The following MROH9 variants were observed in gnomAD, a reference collection of about 807,000 sequenced individuals.
The protein encoded by MROH9 is maestro heat like repeat family member 9, also known as maestro heat-like repeat-containing protein family member 9.
Under a neutral mutation model 98.2 loss-of-function variants are expected in MROH9, and 92 were observed. That is an observed-to-expected ratio of 0.94 (90% CI 0.79 to 1.11). The LOEUF (loss-of-function observed/expected upper bound fraction) is 1.11, where lower values mean the gene tolerates loss of function less well. Among genes scored for constraint, MROH9 ranks in the 50% most tolerant of loss-of-function variants. The probability of loss-of-function intolerance (pLI) is 0.00; values close to 1 mark genes in which losing one functional copy is unlikely to be tolerated. For synonymous variants in MROH9, 397 were observed against 368.9 expected (o/e 1.08, Z -0.87); for missense variants, 1,057 against 1,014.8 (o/e 1.04, Z -0.57).
At chr1:170,990,133 A>AT in intron 11 of MROH9, 130 bp downstream of exon 11, 1 of 929,232 alleles carries the variant, frequency 1.1e-6, no homozygotes, top group African/African-American at 1.7e-5. Context: ...GAGAAAATCT[A>AT]TTTTTGCACC....
intron 4 of MROH9, 38 bp from the exon 5 acceptor site, chr1:170,959,424 T>C: frequency 1.3e-6 from 2 of 1,537,586 alleles, no homozygotes; most frequent in Non-Finnish European, 1.8e-6. Flanking sequence ...ATTATATTTG[T>C]TTTCTCATCA....
chr1:171,057,926 T>C (rs1429571701), intron 20 of MROH9, among the ~76,000 whole-genome samples: 1 of 152,148 alleles, frequency 6.6e-6, no homozygotes, highest in African/African-American at 2.4e-5. Context: ...CTGAGGGATT[T>C]CATTACCACC....
intron 1 of MROH9, among the ~76,000 whole-genome samples, chr1:170,937,831 G>A (rs1043808864): frequency 6.6e-6 from 1 of 152,120 alleles, no homozygotes; most frequent in African/African-American, 2.4e-5. Context: ...CCCATAATCA[G>A]TATTTTTAAC....
intron 2 of MROH9, 45 bp downstream of exon 2, chr1:170,945,626 GTA>G (rs2101870324): frequency 2.6e-6 from 4 of 1,556,650 alleles, no homozygotes; most frequent in East Asian, 4.5e-5. Flanking sequence ...GTATTTTTGT[GTA>G]TATGTGTGTG....
chr1:171,002,864 T>C (rs2101821057), intron 15 of MROH9, among the ~76,000 whole-genome samples: 1 of 152,318 alleles, frequency 6.6e-6, no homozygotes, highest in South Asian at 2.1e-4. Context: ...GCTTTTAGAA[T>C]TGTCTTCTTC....
chr1:171,029,215 G>C (rs1259649469), intron 20 of MROH9, among the ~76,000 whole-genome samples: 1 of 152,054 alleles, frequency 6.6e-6, no homozygotes, highest in East Asian at 1.9e-4. Flanking sequence ...AGTTTATTAA[G>C]AGGGTTTTGT....
chr1:170,963,804 G>A (rs572266985), intron 6 of MROH9, among the ~76,000 whole-genome samples: 2 of 152,164 alleles, frequency 1.3e-5, no homozygotes, highest in East Asian at 3.9e-4. Flanking sequence ...AACACATATT[G>A]GGGAACAAGA....
intron 1 of MROH9, among the ~76,000 whole-genome samples, chr1:170,943,951 T>C (rs1336562959): frequency 6.6e-6 from 1 of 152,080 alleles, no homozygotes; most frequent in East Asian, 1.9e-4. Flanking sequence ...AGTAGGATTA[T>C]TGTTACAGAA....
chr1:170,949,953 A>G (rs1366836435), intron 3 of MROH9, among the ~76,000 whole-genome samples: 1 of 152,082 alleles, frequency 6.6e-6, no homozygotes, highest in Non-Finnish European at 1.5e-5. Context: ...TGATAGTAAA[A>G]ATAGCTAAAA....
chr1:170,998,212 C>A lies in MROH9; in HGVS notation c.1534C>A (p.Leu512Ile). The change falls in exon 15 of 22, where the codon CTC becomes ATC. Residue 512 changes from leucine to isoleucine, a missense_variant. Coordinates refer to ENST00000367759, the MANE Select transcript of MROH9 (RefSeq NM_001163629.2). Reference protein sequence around the residue: ...FPETLSYLYKLSVEGPRRSED... With the variant: ...FPETLSYLYKISVEGPRRSED... ...GGAGACCCTGAGTTATCTCTATAAG[C>A]TCTCAGTAGAAGGTCCTAGAAGGTC... 1 of 1,613,148 alleles carries A rather than the reference C, an allele frequency of 6.2e-7. No individual in the cohort carries two copies. Among genetic ancestry groups the A allele is most frequent in the Non-Finnish European group, 8.5e-7 (1 of 1,179,432 alleles).
At chr1:171,005,576 T>C (rs559659449) in intron 15 of MROH9, among the ~76,000 whole-genome samples, 1 of 152,186 alleles carries the variant, frequency 6.6e-6, no homozygotes, top group Non-Finnish European at 1.5e-5. Context: ...TTTCATATAG[T>C]TTATTGTTAG....
chr1:170,965,398 A>G, intron 7 of MROH9, 143 bp downstream of exon 7: 1 of 560,658 alleles, frequency 1.8e-6, no homozygotes, highest in Non-Finnish European at 3.2e-6. Flanking sequence ...TCAGAAAAGG[A>G]GTCAATATCC....
At chr1:171,031,144 T>G (rs1217373966) in intron 20 of MROH9, among the ~76,000 whole-genome samples, 1 of 152,192 alleles carries the variant, frequency 6.6e-6, no homozygotes, top group Non-Finnish European at 1.5e-5. Context: ...TTGGTAAATT[T>G]TCCTCCATCC....
At chr1:171,059,518 A>T (rs1041336438) in intron 20 of MROH9, among the ~76,000 whole-genome samples, 3 of 152,198 alleles carry the variant, frequency 2.0e-5, no homozygotes, top group Admixed American at 1.3e-4. Flanking sequence ...ATACCACTTG[A>T]CCCAGCAATC....
At chr1:170,973,702 C>T (rs2101788261) in intron 8 of MROH9, among the ~76,000 whole-genome samples, 1 of 152,188 alleles carries the variant, frequency 6.6e-6, no homozygotes, top group South Asian at 2.1e-4. Context: ...ATGGTGAATC[C>T]CCGTCTCTAC....
At chr1:170,965,667 T>A (rs929742821) in intron 7 of MROH9, among the ~76,000 whole-genome samples, 13 of 152,122 alleles carry the variant, frequency 8.5e-5, no homozygotes, top group African/African-American at 3.1e-4. Flanking sequence ...TTGTGAAACA[T>A]GCTAGAGGTA....
Position 170,972,815 on chromosome 1 carries a change from A to C in MROH9, c.616+932A>C, listed in dbSNP as rs1203361834. 1.3e-4 allele frequency among the ~76,000 whole-genome samples: 9 copies of C among 70,026 alleles called. No homozygotes were observed. The East Asian group carries it at 3.9e-3, about 31-fold the overall frequency. The allele number at this position is 70,026 out of a possible 152,430, so 45.9% of individuals were successfully genotyped here. ...TGACAGAGCAAGACTCCGCCTCAAA[A>C]AAAAAAAAAAAAATACACACACACA... On this transcript the variant is annotated intron_variant, in intron 8 of 21. Transcript: ENST00000367759.
At chr1:170,956,664 G>T (rs962355262) in intron 3 of MROH9, among the ~76,000 whole-genome samples, 1 of 141,898 alleles carries the variant, frequency 7.0e-6, no homozygotes, top group South Asian at 2.2e-4. Context: ...CTTGGTCGCT[G>T]TTGGTATATA....
In MROH9 at chr1:171,063,741, A is replaced by G. The variant is rs1654081383; in HGVS notation, c.2345-358A>G. On this transcript the variant is annotated intron_variant, in intron 21 of 21. Coordinates refer to ENST00000367759, the MANE Select transcript of MROH9 (RefSeq NM_001163629.2). ...CTAATTTTTAAGCAGTTCCCTGTTAATGAACATTGAGACTGATTTTAACTT... is the reference window on the plus strand; with the variant it reads ...CTAATTTTTAAGCAGTTCCCTGTTAGTGAACATTGAGACTGATTTTAACTT... Among the ~76,000 whole-genome samples, 7 of 152,224 alleles carry G rather than the reference A, an allele frequency of 4.6e-5. No individual in the cohort carries two copies. In the South Asian group the frequency reaches 1.4e-3, roughly 31 times the overall value.
Sources: allele counts gnomAD v4.1 joint callset (sites outside exome capture counted in the v4.1 genomes callset), GRCh38; gene constraint gnomAD v4.1.1; transcripts MANE v1.5; gene names NCBI Gene and HGNC (gene_info 2026-07-23, HGNC 2026-07-21).